The following FSTL4 variants were observed in gnomAD, a reference collection of about 807,000 sequenced individuals.
FSTL4 encodes follistatin like 4.
In FSTL4, 28 loss-of-function variants were observed where a neutral mutation model predicts 78.2. The observed-to-expected ratio is 0.36, with a 90% CI of 0.27 to 0.49. The LOEUF is 0.49. FSTL4 is among the 20% of genes least tolerant of loss of function. FSTL4 has a pLI of 0.98. For missense variants in FSTL4, 922 were observed against 1,084.9 expected (o/e 0.85, Z 2.11); for synonymous variants, 422 against 440.5 (o/e 0.96, Z 0.53).
chr5:133,828,683 C>T, the FSTL4 span, among the ~76,000 whole-genome samples: 1 of 152,200 alleles, frequency 6.6e-6, no homozygotes, highest in Non-Finnish European at 1.5e-5. Context: ...TGGTTCTCTC[C>T]TCTGCAAACG....
At chr5:133,577,540 G>T (rs1019362745) in intron 2 of FSTL4, among the ~76,000 whole-genome samples, 1 of 152,136 alleles carries the variant, frequency 6.6e-6, no homozygotes, top group Non-Finnish European at 1.5e-5. Flanking sequence ...TAAAGGCCAG[G>T]GGTCCCTGCA....
chr5:133,777,761 A>G, the FSTL4 span, among the ~76,000 whole-genome samples: 1 of 152,236 alleles, frequency 6.6e-6, no homozygotes, highest in African/African-American at 2.4e-5. Flanking sequence ...TGAAGCATTA[A>G]TAGTAGATCC....
chr5:133,240,267 C>T (rs1441145659), intron 7 of FSTL4, among the ~76,000 whole-genome samples: 2 of 152,216 alleles, frequency 1.3e-5, no homozygotes, highest in Non-Finnish European at 1.5e-5. Flanking sequence ...TTCTTGAAGT[C>T]AGTGAGACCA....
chr5:133,676,550 A>G, the FSTL4 span, among the ~76,000 whole-genome samples: 5 of 152,286 alleles, frequency 3.3e-5, no homozygotes, highest in Non-Finnish European at 7.4e-5. Context: ...CAGCCTTAGA[A>G]AGAGTTTGAT....
chr5:133,652,328 AG>A, the FSTL4 span, among the ~76,000 whole-genome samples: 1 of 152,068 alleles, frequency 6.6e-6, no homozygotes, highest in Admixed American at 6.5e-5. Flanking sequence ...TAGTTTCCCA[AG>A]GTGGAAATTT....
intron 3 of FSTL4, among the ~76,000 whole-genome samples, chr5:133,441,011 C>G (rs1441785646): frequency 1.3e-5 from 2 of 152,144 alleles, no homozygotes; most frequent in Non-Finnish European, 2.9e-5. Context: ...TTGGGGCAGT[C>G]TTGATGTGGT....
chr5:133,490,868 T>G (rs184782623), intron 3 of FSTL4, among the ~76,000 whole-genome samples: 1 of 152,336 alleles, frequency 6.6e-6, no homozygotes, highest in East Asian at 1.9e-4. Context: ...ATTAATCTTA[T>G]TAGTCATCAT....
intron 4 of FSTL4, among the ~76,000 whole-genome samples, chr5:133,380,450 A>C (rs1755541155): frequency 6.6e-6 from 1 of 152,132 alleles, no homozygotes; most frequent in African/African-American, 2.4e-5. Flanking sequence ...GAATTGGACA[A>C]ATTTGTAGAA....
the FSTL4 span, among the ~76,000 whole-genome samples, chr5:133,701,488 CA>C: frequency 3.1e-5 from 4 of 127,194 alleles, no homozygotes; most frequent in African/African-American, 9.7e-5. Flanking sequence ...CACACACACA[CA>C]CACACACACA....
At chr5:133,819,926 G>T in the FSTL4 span, among the ~76,000 whole-genome samples, 1 of 152,140 alleles carries the variant, frequency 6.6e-6, no homozygotes, top group Non-Finnish European at 1.5e-5. Context: ...GCCCCATCGG[G>T]CATTAGTTTC....
chr5:133,629,990 C>T, the FSTL4 span, among the ~76,000 whole-genome samples: 6 of 152,234 alleles, frequency 3.9e-5, no homozygotes, highest in Admixed American at 1.3e-4. Context: ...ATTGATGCAA[C>T]GTATTTCAAA....
At chr5:133,377,152 C>A (rs1755454755) in intron 4 of FSTL4, among the ~76,000 whole-genome samples, 1 of 152,210 alleles carries the variant, frequency 6.6e-6, no homozygotes. Flanking sequence ...GCAAATGCAA[C>A]TGAGCAGTCT....
chr5:133,378,793 G>T (rs1244770352), intron 4 of FSTL4, among the ~76,000 whole-genome samples: 1 of 152,018 alleles, frequency 6.6e-6, no homozygotes, highest in Non-Finnish European at 1.5e-5. Flanking sequence ...ATCATTAAAT[G>T]ACTTAAAATG....
chr5:133,689,433 C>G, the FSTL4 span, among the ~76,000 whole-genome samples: 4 of 152,186 alleles, frequency 2.6e-5, no homozygotes, highest in South Asian at 2.1e-4. Context: ...ATTCAGTAAG[C>G]CTTTTAAATA....
At chr5:133,822,449 T>C in the FSTL4 span, among the ~76,000 whole-genome samples, 2 of 152,200 alleles carry the variant, frequency 1.3e-5, no homozygotes, top group Non-Finnish European at 2.9e-5. Context: ...ACTTCATTCA[T>C]TCATTCAAAA....
At chr5:133,711,239 A>G in the FSTL4 span, among the ~76,000 whole-genome samples, 3 of 152,208 alleles carry the variant, frequency 2.0e-5, no homozygotes, top group Non-Finnish European at 4.4e-5. Flanking sequence ...CTCTGGTTGG[A>G]CACTTCATTC....
chr5:133,808,536 T>A, the FSTL4 span, among the ~76,000 whole-genome samples: 1 of 152,162 alleles, frequency 6.6e-6, no homozygotes, highest in South Asian at 2.1e-4. Context: ...AGTCCAGATG[T>A]TAAGGGACTT....
At chr5:133,275,599 G>A (rs912936367) in intron 6 of FSTL4, 4 of 151,542 alleles carry the variant, frequency 2.6e-5, no homozygotes, top group Middle Eastern at 6.8e-3. Context: ...GATGTCGACA[G>A]CAGAGCATTA....
chr5:133,674,153 C>T, the FSTL4 span, among the ~76,000 whole-genome samples: 12 of 152,264 alleles, frequency 7.9e-5, no homozygotes, highest in East Asian at 3.9e-4. Flanking sequence ...CCTCCACCAG[C>T]GAAGGGCTCC....
Sources: gnomAD v4.1 joint callset for allele counts (sites outside exome capture counted in the v4.1 genomes callset) on GRCh38, gnomAD v4.1.1 for gene constraint, MANE v1.5 for transcripts, NCBI Gene and HGNC (gene_info 2026-07-23, HGNC 2026-07-21) for gene names.